BLTP1: variants seen among roughly 807,000 people sequenced by gnomAD.
BLTP1 encodes fragile site-associated protein.
chr4:122,219,407 C>CA, the BLTP1 span: 1 of 1,614,080 alleles, frequency 6.2e-7, no homozygotes, highest in Non-Finnish European at 8.5e-7. Context: ...CCTGTTTTGT[C>CA]ACTGTCAACA....
the BLTP1 span, among the ~76,000 whole-genome samples, chr4:122,299,368 T>A: frequency 6.6e-6 from 1 of 151,944 alleles, no homozygotes; most frequent in Admixed American, 6.6e-5. Flanking sequence ...AAGAACAGAA[T>A]GTAAGTGAGG....
chr4:122,257,362 A>T, the BLTP1 span: 1 of 1,614,142 alleles, frequency 6.2e-7, no homozygotes, highest in Non-Finnish European at 8.5e-7. Flanking sequence ...GAGTTAGCTT[A>T]CATAGACCAG....
chr4:122,214,207 A>G, the BLTP1 span: 3 of 970,580 alleles, frequency 3.1e-6, no homozygotes, highest in Non-Finnish European at 3.7e-6. Flanking sequence ...ATAAGTATAC[A>G]TTTTTAGCTA....
At chr4:122,335,154 A>T in the BLTP1 span, among the ~76,000 whole-genome samples, 1 of 151,880 alleles carries the variant, frequency 6.6e-6, no homozygotes, top group South Asian at 2.1e-4. Flanking sequence ...CCTTCCTCTC[A>T]TGTGGGCTTC....
chr4:122,328,847 G>T, the BLTP1 span: 1 of 771,506 alleles, frequency 1.3e-6, no homozygotes, highest in Non-Finnish European at 1.6e-6. Flanking sequence ...CTCTGAATAT[G>T]CCCTCAAGAG....
the BLTP1 span, chr4:122,355,986 A>C: frequency 6.2e-7 from 1 of 1,600,258 alleles, no homozygotes; most frequent in Non-Finnish European, 8.5e-7. Flanking sequence ...AGCCTTCATT[A>C]CAGGGTATGT....
At chr4:122,246,700 A>G in the BLTP1 span, 9 of 1,612,572 alleles carry the variant, frequency 5.6e-6, no homozygotes, top group Non-Finnish European at 7.6e-6. Context: ...TATGTTTGTT[A>G]CAAGCCTCAG....
At chr4:122,161,178 A>T in the BLTP1 span, 1 of 964,354 alleles carries the variant, frequency 1.0e-6, no homozygotes, top group Non-Finnish European at 1.2e-6. Flanking sequence ...GAAGACTTTA[A>T]TATAATGGTG....
At chr4:122,234,543 A>G in the BLTP1 span, among the ~76,000 whole-genome samples, 11 of 151,594 alleles carry the variant, frequency 7.3e-5, no homozygotes, top group African/African-American at 2.7e-4. Flanking sequence ...TATCTCTATT[A>G]TTATTGATTC....
chr4:122,316,695 G>C, the BLTP1 span: 6 of 1,585,758 alleles, frequency 3.8e-6, no homozygotes, highest in Non-Finnish European at 4.3e-6. Context: ...TGTGTGACTT[G>C]AGGGTGGTAT....
the BLTP1 span, among the ~76,000 whole-genome samples, chr4:122,217,418 A>T: frequency 6.6e-6 from 1 of 151,782 alleles, no homozygotes; most frequent in Non-Finnish European, 1.5e-5. Context: ...TTTAATGGGA[A>T]TTGCAATTAA....
the BLTP1 span, chr4:122,362,544 GA>G: frequency 5.7e-6 from 1 of 176,520 alleles, no homozygotes; most frequent in Non-Finnish European, 1.2e-5. Flanking sequence ...GAATAACTGT[GA>G]ATTTTTTTGT....
the BLTP1 span, chr4:122,209,319 G>A: frequency 2.8e-5 from 45 of 1,611,804 alleles, no homozygotes; most frequent in South Asian, 3.3e-5. Flanking sequence ...CCAAAATGGC[G>A]CAACGTTACT....
At chr4:122,239,721 C>T in the BLTP1 span, 30 of 1,614,074 alleles carry the variant, frequency 1.9e-5, no homozygotes, top group Non-Finnish European at 2.5e-5. Context: ...TGATGTCTCT[C>T]GAAGTGATGA....
At chr4:122,236,173 T>C in the BLTP1 span, among the ~76,000 whole-genome samples, 14 of 152,338 alleles carry the variant, frequency 9.2e-5, no homozygotes, top group South Asian at 1.0e-3. Context: ...CAGATTGCTT[T>C]CCCATGTATA....
At chr4:122,172,978 G>T in the BLTP1 span, 1 of 1,592,782 alleles carries the variant, frequency 6.3e-7, no homozygotes, top group South Asian at 1.1e-5. Flanking sequence ...AATTGTAAGA[G>T]GACACATTAC....
At chr4:122,224,379 A>C in the BLTP1 span, 1 of 1,113,558 alleles carries the variant, frequency 9.0e-7, no homozygotes, top group Non-Finnish European at 1.3e-6. Flanking sequence ...GTGGATTCTG[A>C]AACCTTATAG....
chr4:122,262,834 G>T, the BLTP1 span: 16 of 1,613,716 alleles, frequency 9.9e-6, no homozygotes, highest in Non-Finnish European at 1.4e-5. Flanking sequence ...GTGCATGTTG[G>T]ACGTGCTGGG....
the BLTP1 span, among the ~76,000 whole-genome samples, chr4:122,332,278 A>C: frequency 6.6e-6 from 1 of 151,968 alleles, no homozygotes; most frequent in Non-Finnish European, 1.5e-5. Flanking sequence ...GAGAAAATAA[A>C]AAAGGTACTA....
Sources: allele counts gnomAD v4.1 joint callset (sites outside exome capture counted in the v4.1 genomes callset), GRCh38; gene constraint gnomAD v4.1.1; transcripts MANE v1.5; gene names NCBI Gene and HGNC (gene_info 2026-07-23, HGNC 2026-07-21).